The following SMAP2 variants were observed in gnomAD, a reference collection of about 807,000 sequenced individuals.
The protein encoded by SMAP2 is stromal membrane-associated protein 2.
A neutral mutation model predicts 56.4 loss-of-function variants in SMAP2; 25 were observed. That is an observed-to-expected ratio of 0.44 (90% CI 0.32 to 0.62). The LOEUF (loss-of-function observed/expected upper bound fraction) is 0.62. Ranked by LOEUF, SMAP2 falls within the 20% of genes least tolerant of loss-of-function variation. The pLI is 0.04. For synonymous variants in SMAP2, 157 were observed against 181.7 expected, an observed-to-expected ratio of 0.86 and a Z score of 1.09; for missense variants, 388 against 545.6, an observed-to-expected ratio of 0.71 and a Z score of 2.88.
chr1:40,407,595 CAG>C (rs1219629453), intron 2 of SMAP2, among the ~76,000 whole-genome samples: 6 of 151,590 alleles, frequency 4.0e-5, no homozygotes, highest in East Asian at 1.9e-4. Flanking sequence ...TTTTTTAAGA[CAG>C]AGAAAATATT....
chr1:40,374,238 C>G lies in SMAP2; in HGVS notation c.103+15C>G. 6.3e-7 allele frequency: 1 copy of G among 1,599,308 alleles called. No homozygotes were observed. Among genetic ancestry groups the G allele is most frequent in the Admixed American group, 1.7e-5 (1 of 57,722 alleles). On this transcript the variant is annotated intron_variant, in intron 1 of 9. Coordinates refer to ENST00000372718, the MANE Select transcript of SMAP2 (RefSeq NM_022733.3). The surrounding 1 kb of genome is among the most constrained non-coding windows in gnomAD (Gnocchi z 5.9). ...CCAGTCTAAAGGTAGCGCATCCCAC[C>G]TGGCGGGCCAGGGGTCCAGCCGCGC...
chr1:40,348,144 T>C, intron 1 of SMAP2, among the ~76,000 whole-genome samples: 1 of 151,790 alleles, frequency 6.6e-6, no homozygotes, highest in East Asian at 2.0e-4. Context: ...AAAAGAAAAA[T>C]AATTTTTTAA....
At chr1:40,347,240 G>GTTTTTTT (rs200888686) in intron 1 of SMAP2, among the ~76,000 whole-genome samples, 1 of 88,386 alleles carries the variant, frequency 1.1e-5, no homozygotes, top group African/African-American at 4.0e-5. Context: ...GTGTGTGTGT[G>GTTTTTTT]TTTTGTTTTT....
intron 1 of SMAP2, chr1:40,375,644 C>G (rs1644533967): frequency 4.8e-6 from 1 of 207,678 alleles, no homozygotes; most frequent in Non-Finnish European, 8.4e-6. Flanking sequence ...AGGTTAGCTT[C>G]TTGATTCTTG....
At chr1:40,392,205 C>T (rs373207533) in intron 1 of SMAP2, among the ~76,000 whole-genome samples, 1 of 152,118 alleles carries the variant, frequency 6.6e-6, no homozygotes, top group Non-Finnish European at 1.5e-5. Context: ...CTCCCAGTAC[C>T]CCCAGATTTT....
chr1:40,356,632 G>C (rs188927060), intron 1 of SMAP2, among the ~76,000 whole-genome samples: 11 of 152,024 alleles, frequency 7.2e-5, no homozygotes, highest in African/African-American at 2.7e-4. Context: ...GGATGGTTTC[G>C]ATCTCCTAAC....
In SMAP2 at chr1:40,386,853, C is replaced by CTTTTTTTT. The variant is rs57984975; in HGVS notation, c.103+12641_103+12648dup. ...GATGCTGAAGGTATTTTTCATAATT[C>CTTTTTTTT]TTTTTTTTTTTTTTTTTTGGAGACA... is the stretch of plus-strand genomic sequence containing the variant. On this transcript the variant is annotated intron_variant, in intron 1 of 9. Coordinates refer to ENST00000372718, the MANE Select transcript of SMAP2 (RefSeq NM_022733.3). The surrounding 1 kb of genome is among the most constrained non-coding windows in gnomAD (Gnocchi z 4.1). 7.9e-6 allele frequency among the ~76,000 whole-genome samples: 1 copy of CTTTTTTTT among 127,364 alleles called. No homozygotes were observed. The highest frequency in any genetic ancestry group is 3.0e-5 in the African/African-American group (1 of 33,698). 83.6% of individuals were successfully genotyped at this position (127,364 alleles called of 152,430 possible).
intron 1 of SMAP2, among the ~76,000 whole-genome samples, chr1:40,360,245 A>C (rs1644454222): frequency 6.7e-6 from 1 of 149,908 alleles, no homozygotes. Flanking sequence ...TGACCTCATG[A>C]TCCGCCTGCC....
At chr1:40,361,288 G>A (rs941736152) in intron 1 of SMAP2, among the ~76,000 whole-genome samples, 4 of 151,778 alleles carry the variant, frequency 2.6e-5, no homozygotes, top group African/African-American at 9.7e-5. Context: ...GTCCTGGCAG[G>A]ATTCTTCACT....
chr1:40,354,156 C>G (rs781535341), intron 1 of SMAP2, among the ~76,000 whole-genome samples: 35 of 152,094 alleles, frequency 2.3e-4, no homozygotes, highest in Non-Finnish European at 4.3e-4. Context: ...CATTCAAAGG[C>G]CTTCTGAACT....
intron 9 of SMAP2, among the ~76,000 whole-genome samples, chr1:40,419,068 G>A (rs1418617925): frequency 6.6e-6 from 1 of 152,078 alleles, no homozygotes; most frequent in Non-Finnish European, 1.5e-5. Context: ...AAATACAACT[G>A]AAAATGAAGG....
rs1283890175 is a variant in SMAP2, at chr1:40,408,437, A to G, written c.238-216A>G. Among the ~76,000 whole-genome samples, 2 of 152,352 alleles carry G rather than the reference A, an allele frequency of 1.3e-5. No homozygotes were observed. The highest frequency in any genetic ancestry group is 4.1e-4 in the South Asian group (2 of 4,826). On this transcript the variant is annotated intron_variant, in intron 2 of 9. Transcript: ENST00000372718. The surrounding 1 kb of genome is among the most constrained non-coding windows in gnomAD (Gnocchi z 4.3). Reference sequence around the variant, plus strand: ...ACAAATATTTCAGTAAAAGGAACCTATGGAGTGGGGGAAAGACAGCTTGGG... The same window carrying G: ...ACAAATATTTCAGTAAAAGGAACCTGTGGAGTGGGGGAAAGACAGCTTGGG...
At chr1:40,396,327 G>A (rs1469030255) in intron 1 of SMAP2, among the ~76,000 whole-genome samples, 1 of 152,172 alleles carries the variant, frequency 6.6e-6, no homozygotes, top group Non-Finnish European at 1.5e-5. Flanking sequence ...CTCAGCATTG[G>A]ACAAGCCAGG....
intron 1 of SMAP2, among the ~76,000 whole-genome samples, chr1:40,401,761 A>G (rs1644836521): frequency 6.6e-6 from 1 of 152,194 alleles, no homozygotes; most frequent in African/African-American, 2.4e-5. Flanking sequence ...TTTTCATTTT[A>G]CAAATGGAGA....
At chr1:40,397,213 C>A (rs1644780576) in intron 1 of SMAP2, among the ~76,000 whole-genome samples, 1 of 152,144 alleles carries the variant, frequency 6.6e-6, no homozygotes, top group Non-Finnish European at 1.5e-5. Context: ...TACTGCAAAT[C>A]ATCTACTGTA....
At chr1:40,365,818 G>A (rs1644479216) in intron 2 of SMAP2, among the ~76,000 whole-genome samples, 1 of 151,908 alleles carries the variant, frequency 6.6e-6, no homozygotes, top group Non-Finnish European at 1.5e-5. Flanking sequence ...AAGGAACGCA[G>A]CTCCTCACCA....
At position 40,393,420 on chromosome 1, in the gene SMAP2, G is replaced by A. The variant is rs1199061499; in HGVS notation, c.104-13316G>A. 7 of 1,535,524 alleles carry A rather than the reference G, an allele frequency of 4.6e-6. No individual in the cohort carries two copies. In the African/African-American group the frequency reaches 9.6e-5, roughly 21 times the overall value. ...AATAGGAAGGAGAAAAGGCTTCATG[G>A]GGAAAGTGGGCAGAGCAAGATTTGC... On this transcript the variant is annotated intron_variant, in intron 1 of 9. Transcript: ENST00000372718.
chr1:40,403,201 C>T (rs1258441667), intron 1 of SMAP2, among the ~76,000 whole-genome samples: 6 of 152,134 alleles, frequency 3.9e-5, no homozygotes, highest in Admixed American at 2.0e-4. Flanking sequence ...AACTCATATT[C>T]CTTTTTAAAA....
chr1:40,416,158 C>T lies in SMAP2; in HGVS notation c.682-18C>T, dbSNP rs766505043. 116 of 1,609,770 alleles carry T rather than the reference C, an allele frequency of 7.2e-5. 2 individuals are homozygous for T. Among genetic ancestry groups the T allele is most frequent in the Admixed American group, 3.4e-4 (20 of 59,534 alleles). On this transcript the variant is annotated intron_variant, in intron 7 of 9. Coordinates refer to ENST00000372718, the MANE Select transcript of SMAP2 (RefSeq NM_022733.3). Reference sequence around the variant, plus strand: ...ATGAGAACCATTTCAATTCTCCCCCCGCCCTCTTTGCCCTAAGGTTGTAGG... The same window carrying T: ...ATGAGAACCATTTCAATTCTCCCCCTGCCCTCTTTGCCCTAAGGTTGTAGG...
Sources: gnomAD v4.1 joint callset for allele counts (sites outside exome capture counted in the v4.1 genomes callset) on GRCh38, gnomAD v4.1.1 for gene constraint, Gnocchi (gnomAD v3.1) non-coding constraint, MANE v1.5 for transcripts, NCBI Gene and HGNC (gene_info 2026-07-23, HGNC 2026-07-21) for gene names.